Variants in NCAM2 observed in about 807,000 individuals in gnomAD.
The protein encoded by NCAM2 is neural cell adhesion molecule 2.
A neutral mutation model predicts 98.1 loss-of-function variants in NCAM2; 30 were observed. The observed-to-expected ratio is 0.31, with a 90% CI of 0.23 to 0.41. The LOEUF (loss-of-function observed/expected upper bound fraction) is 0.41, where lower values mean the gene tolerates loss of function less well. Among genes scored for constraint, NCAM2 ranks in the 10% least tolerant of loss-of-function variants. The pLI is 1.00. For synonymous variants in NCAM2, 368 were observed against 342.4 expected (o/e 1.07, Z -0.83); for missense variants, 867 against 1,005.8 (o/e 0.86, Z 1.87).
chr21:21,501,460 C>T (rs1987627820), intron 15 of NCAM2, among the ~76,000 whole-genome samples: 1 of 151,850 alleles, frequency 6.6e-6, no homozygotes, highest in Non-Finnish European at 1.5e-5. Flanking sequence ...ATTTATAATG[C>T]TCCCTAAGTA....
chr21:21,221,870 A>G (rs553905676), intron 1 of NCAM2, among the ~76,000 whole-genome samples: 69 of 152,276 alleles, frequency 4.5e-4, no homozygotes, highest in African/African-American at 1.6e-3. Flanking sequence ...GATACCATCT[A>G]TGTGACTTTC....
chr21:21,486,322 A>C (rs932126827), intron 15 of NCAM2, among the ~76,000 whole-genome samples: 11 of 151,032 alleles, frequency 7.3e-5, no homozygotes, highest in Admixed American at 5.3e-4. Flanking sequence ...AAAAAAAAAA[A>C]AAAAAACTTC....
chr21:21,089,029 T>C (rs1036186209), intron 1 of NCAM2, among the ~76,000 whole-genome samples: 1 of 151,944 alleles, frequency 6.6e-6, no homozygotes, highest in Non-Finnish European at 1.5e-5. Flanking sequence ...GCTTCAGGGA[T>C]CATAGGTTTA....
chr21:21,204,916 C>T (rs2147048145), intron 1 of NCAM2, among the ~76,000 whole-genome samples: 1 of 151,630 alleles, frequency 6.6e-6, no homozygotes, highest in Admixed American at 6.6e-5. Flanking sequence ...TTTCCACTTT[C>T]CGTTCACTCT....
intron 13 of NCAM2, among the ~76,000 whole-genome samples, chr21:21,467,089 G>A (rs942920428): frequency 1.3e-5 from 2 of 151,774 alleles, no homozygotes; most frequent in African/African-American, 4.8e-5. Context: ...GTTCTTTTTG[G>A]AGGCCTGACT....
intron 5 of NCAM2, among the ~76,000 whole-genome samples, chr21:21,295,374 G>T (rs911489170): frequency 9.9e-5 from 15 of 151,690 alleles, no homozygotes. Context: ...CTTTCTTAAT[G>T]TGTTTTTCAA....
chr21:21,498,653 A>T (rs1987417521), intron 15 of NCAM2, among the ~76,000 whole-genome samples: 1 of 152,194 alleles, frequency 6.6e-6, no homozygotes, highest in South Asian at 2.1e-4. Context: ...AAATACTCTG[A>T]GCTGTCCAGA....
Position 21,541,953 on chromosome 21 carries a change from C to A in NCAM2, c.*3996C>A, listed in dbSNP as rs1256023845. 6.6e-6 allele frequency: 1 copy of A among 151,738 alleles called. No individual in the cohort carries two copies. The highest frequency in any genetic ancestry group is 1.5e-5 in the Non-Finnish European group (1 of 67,758). 9.4% of individuals were successfully genotyped at this position (151,738 alleles called of 1,614,324 possible). A position where few individuals can be genotyped will look rare whatever the true frequency, so the allele number is the denominator to read the frequency against. ...ATCTTTAGAGAGAAAATATTTGCAT[C>A]TGTTTATTTACCCTTTGAAGCATTA... On this transcript the variant is annotated 3_prime_UTR_variant, in exon 18 of 18. Coordinates refer to ENST00000400546, the MANE Select transcript of NCAM2 (RefSeq NM_004540.5).
intron 5 of NCAM2, among the ~76,000 whole-genome samples, chr21:21,311,380 G>T (rs2147718693): frequency 7.2e-6 from 1 of 138,878 alleles, no homozygotes; most frequent in Admixed American, 7.8e-5. Context: ...TCACTCTGTG[G>T]CCCAGGCTGG....
intron 16 of NCAM2, among the ~76,000 whole-genome samples, chr21:21,530,949 A>G (rs2146418120): frequency 6.6e-6 from 1 of 152,222 alleles, no homozygotes; most frequent in Admixed American, 6.5e-5. Context: ...ATTTCTCTAC[A>G]ACTTCTGACA....
At chr21:21,236,756 A>ATGTG (rs35816689) in intron 1 of NCAM2, among the ~76,000 whole-genome samples, 49,172 of 149,850 alleles carry the variant, frequency 0.33, 8,251 homozygotes, top group Non-Finnish European at 0.37. Flanking sequence ...ATCAGTACAT[A>ATGTG]TGTGTGTGTG....
At chr21:21,147,621 CACTAAT>C (rs1034663049) in intron 1 of NCAM2, among the ~76,000 whole-genome samples, 3 of 149,962 alleles carry the variant, frequency 2.0e-5, no homozygotes, top group African/African-American at 7.3e-5. Context: ...TATATACATA[CACTAAT>C]AAGTATCAAC....
chr21:21,351,799 T>G (rs2075347397), intron 8 of NCAM2, among the ~76,000 whole-genome samples: 2 of 152,186 alleles, frequency 1.3e-5, no homozygotes, highest in Non-Finnish European at 2.9e-5. Flanking sequence ...CAAGCCAGAG[T>G]GCAGTGGCAC....
chr21:21,189,417 T>A (rs1252018047), intron 1 of NCAM2, among the ~76,000 whole-genome samples: 1 of 152,190 alleles, frequency 6.6e-6, no homozygotes, highest in Non-Finnish European at 1.5e-5. Flanking sequence ...CAAGGATTAA[T>A]AAGTGAATGT....
At chr21:21,417,075 CT>C (rs2077009991) in intron 10 of NCAM2, among the ~76,000 whole-genome samples, 1 of 151,978 alleles carries the variant, frequency 6.6e-6, no homozygotes, top group African/African-American at 2.4e-5. Context: ...GAAAATGGCT[CT>C]ATTTAAATTA....
At chr21:21,183,026 C>T (rs1012728857) in intron 1 of NCAM2, among the ~76,000 whole-genome samples, 13 of 152,066 alleles carry the variant, frequency 8.5e-5, no homozygotes, top group Non-Finnish European at 1.0e-4. Context: ...TAAATCCTTC[C>T]ACCAGCAGTG....
chr21:21,117,883 GTATACTAAAAAGTT>G (rs1410197806), intron 1 of NCAM2, among the ~76,000 whole-genome samples: 2 of 152,070 alleles, frequency 1.3e-5, no homozygotes, highest in East Asian at 3.9e-4. Flanking sequence ...TAGTATTAGG[GTATACTAAAAAGTT>G]TATCTAATTC....
chr21:21,507,911 C>T (rs768166672), intron 15 of NCAM2, among the ~76,000 whole-genome samples: 14 of 151,832 alleles, frequency 9.2e-5, no homozygotes, highest in Non-Finnish European at 1.8e-4. Context: ...TACATTATCA[C>T]CAGTTTATTT....
In NCAM2 at chr21:21,100,421, G is replaced by A. The variant is rs544400623; in HGVS notation, c.55+101803G>A. Reference sequence around the variant, plus strand: ...GGCCAAGATAAGGCATATCTTTGTGGATGCTGGTAATGAAAGACAAAGCCA... The same window carrying A: ...GGCCAAGATAAGGCATATCTTTGTGAATGCTGGTAATGAAAGACAAAGCCA... On this transcript the variant is annotated intron_variant, in intron 1 of 17. Coordinates refer to ENST00000400546, the MANE Select transcript of NCAM2 (RefSeq NM_004540.5). Among the ~76,000 whole-genome samples, 72 of 152,028 alleles carry A rather than the reference G, an allele frequency of 4.7e-4. 1 individual carries two copies. The South Asian group carries it at 0.014, about 30-fold the overall frequency.
Sources: allele counts gnomAD v4.1 joint callset (sites outside exome capture counted in the v4.1 genomes callset), GRCh38; gene constraint gnomAD v4.1.1; transcripts MANE v1.5; gene names NCBI Gene and HGNC (gene_info 2026-07-23, HGNC 2026-07-21).